Variants in WRN observed in about 807,000 individuals in gnomAD.
The protein encoded by WRN is bifunctional 3'-5' exonuclease/ATP-dependent helicase WRN.
WRN carries 149 observed loss-of-function variants against 180.7 expected under a neutral mutation model. That is an observed-to-expected ratio of 0.82 (90% CI 0.72 to 0.94). The LOEUF (loss-of-function observed/expected upper bound fraction) is 0.94. Ranked by LOEUF, WRN falls within the 40% of genes least tolerant of loss-of-function variation. The pLI, the probability that WRN is intolerant of heterozygous loss-of-function variation, is 0.00. For missense variants in WRN, 1,661 were observed against 1,700.1 expected, an observed-to-expected ratio of 0.98 and a Z score of 0.40; for synonymous variants, 548 against 568.9, an observed-to-expected ratio of 0.96 and a Z score of 0.52.
At chr8:31,104,483 T>C (rs1283574193) in intron 18 of WRN, among the ~76,000 whole-genome samples, 1 of 152,236 alleles carries the variant, frequency 6.6e-6, no homozygotes, top group Non-Finnish European at 1.5e-5. Flanking sequence ...AGCTTGCCTT[T>C]TCATTCTTTT....
At chr8:31,133,993 C>A (rs1349661631) in intron 24 of WRN, among the ~76,000 whole-genome samples, 1 of 152,084 alleles carries the variant, frequency 6.6e-6, no homozygotes, top group Non-Finnish European at 1.5e-5. Flanking sequence ...CAAATCAGAC[C>A]ACTTACACTG....
chr8:31,173,145 A>T lies in WRN; in HGVS notation c.*43A>T, dbSNP rs1407335594. The T allele has an allele frequency of 1.3e-6, 2 of 1,539,992 alleles. No homozygotes were observed. Among genetic ancestry groups the T allele is most frequent in the African/African-American group, 2.7e-5 (2 of 73,130 alleles). On this transcript the variant is annotated 3_prime_UTR_variant, in exon 35 of 35. Coordinates refer to ENST00000298139, the MANE Select transcript of WRN (RefSeq NM_000553.6). The stretch of plus-strand genomic sequence containing the variant: ...CAATTATGTTTCTTGCTGTATTATA[A>T]GAGGATAGCTATATTTTATTTCTGA...
intron 24 of WRN, 120 bp from the exon 25 acceptor site, chr8:31,141,310 G>A (rs1482380132): frequency 5.6e-6 from 7 of 1,261,040 alleles, no homozygotes; most frequent in Middle Eastern, 2.0e-4. Context: ...TAACATTTTT[G>A]TAGGTTTTTA....
chr8:31,101,012 A>G (rs1407393669), intron 18 of WRN, 57 bp downstream of exon 18: 1 of 1,413,572 alleles, frequency 7.1e-7, no homozygotes, highest in African/African-American at 1.4e-5. Context: ...GAGAGCATTC[A>G]GGATTGGGGA....
intron 1 of WRN, among the ~76,000 whole-genome samples, chr8:31,054,048 G>A (rs1264225290): frequency 6.6e-6 from 1 of 152,166 alleles, no homozygotes; most frequent in Admixed American, 6.5e-5. Flanking sequence ...TGAAAAAGGA[G>A]TTTTCAGTCT....
chr8:31,164,661 T>G (rs925428636), intron 33 of WRN, among the ~76,000 whole-genome samples: 1 of 152,198 alleles, frequency 6.6e-6, no homozygotes, highest in South Asian at 2.1e-4. Context: ...AATAATAAAT[T>G]AAGGCATTGA....
chr8:31,080,224 A>G (rs538951097), intron 8 of WRN, among the ~76,000 whole-genome samples: 1 of 152,246 alleles, frequency 6.6e-6, no homozygotes, highest in South Asian at 2.1e-4. Context: ...GTTTGTTCCC[A>G]ATATTTTTAT....
chr8:31,142,741 T>C, intron 27 of WRN, 40 bp downstream of exon 27: 1 of 1,486,514 alleles, frequency 6.7e-7, no homozygotes, highest in Non-Finnish European at 9.3e-7. Context: ...TTTCATTCTT[T>C]ATTGATTCAA....
At position 31,068,295 on chromosome 8, in the gene WRN, A is replaced by G; in HGVS notation, c.692A>G (p.Asp231Gly). 1 of 1,609,112 alleles carries G rather than the reference A, an allele frequency of 6.2e-7. No individual in the cohort carries two copies. The highest frequency in any genetic ancestry group is 8.5e-7 in the Non-Finnish European group (1 of 1,176,490). Residue 231 changes from aspartate (D) to glycine (G), a missense_variant, in exon 7 of 35, where the codon GAT (aspartate) becomes GGT (glycine). By Grantham distance (94) the Asp-to-Gly change is moderately conservative (BLOSUM62 -1). Transcript: ENST00000298139. ...FIIYRNLEIL[D>G]DTVQRFAINK... ...ATTTACCGAAATTTAGAGATTTTGG[A>G]TGATACTGTGCAAAGGTTTGCTATA...
At chr8:31,099,825 T>G (rs781042728) in intron 17 of WRN, among the ~76,000 whole-genome samples, 20 of 152,162 alleles carry the variant, frequency 1.3e-4, no homozygotes, top group Non-Finnish European at 2.6e-4. Flanking sequence ...TTTATGTGAA[T>G]GATATAATTT....
intron 3 of WRN, 45 bp from the exon 4 acceptor site, chr8:31,064,244 T>TA (rs773841160): frequency 1.2e-6 from 2 of 1,610,474 alleles, no homozygotes; most frequent in Admixed American, 3.3e-5. Flanking sequence ...TGCAGAAGTT[T>TA]AAAATTTTAA....
intron 34 of WRN, among the ~76,000 whole-genome samples, chr8:31,168,135 G>A (rs1263118565): frequency 2.6e-5 from 4 of 151,982 alleles, no homozygotes; most frequent in East Asian, 3.9e-4. Flanking sequence ...CTTGAGTTAC[G>A]TCTGTATATA....
intron 33 of WRN, among the ~76,000 whole-genome samples, chr8:31,161,712 G>T (rs1434082727): frequency 6.6e-6 from 1 of 151,764 alleles, no homozygotes; most frequent in Admixed American, 6.6e-5. Flanking sequence ...GGTGTTGGGT[G>T]CCTGTAATCC....
At chr8:31,051,398 G>T (rs1295211230) in intron 1 of WRN, among the ~76,000 whole-genome samples, 2 of 152,090 alleles carry the variant, frequency 1.3e-5, no homozygotes, top group African/African-American at 4.8e-5. Flanking sequence ...TGATTAAAAA[G>T]CTACCCTTTC....
chr8:31,141,573 T>G lies in WRN; in HGVS notation c.3111T>G (p.Phe1037Leu). ...TAGAAGTTTCTCGGTATAACAAATT[T>G]ATGAAGATTTGCGCCCTTACGAAAA... ...FLVEVSRYNK[F>L]MKICALTKKG... is the part of the protein sequence containing the mutation. Residue 1037 changes from phenylalanine to leucine, a missense_variant, in exon 25 of 35, where the codon TTT becomes TTG. Phe to Leu is a conservative substitution (Grantham distance 22, BLOSUM62 0). This residue lies in a region of WRN where 1,141 missense variants were observed against 1,149.4 expected (regional missense o/e 0.99). Transcript: ENST00000298139. The G allele has an allele frequency of 6.2e-7, 1 of 1,614,176 alleles. No homozygotes were observed. Among genetic ancestry groups the G allele is most frequent in the Non-Finnish European group, 8.5e-7 (1 of 1,180,036 alleles).
intron 34 of WRN, 106 bp from the exon 35 acceptor site, chr8:31,172,889 G>A: frequency 2.2e-6 from 2 of 898,130 alleles, no homozygotes; most frequent in South Asian, 1.4e-5. Context: ...TTGGATGGGG[G>A]AGAAAGGATG....
At chr8:31,140,315 C>T (rs149736054) in intron 24 of WRN, among the ~76,000 whole-genome samples, 14 of 152,132 alleles carry the variant, frequency 9.2e-5, no homozygotes, top group African/African-American at 3.4e-4. Flanking sequence ...ACCACTGTGC[C>T]TGGCCCATAT....
At chr8:31,064,550 T>G in intron 4 of WRN, 116 bp downstream of exon 4, 1 of 1,421,862 alleles carries the variant, frequency 7.0e-7, no homozygotes, top group Non-Finnish European at 9.8e-7. Flanking sequence ...TCAAATTTAT[T>G]TAAGTATTTA....
chr8:31,127,434 A>C lies in WRN; in HGVS notation c.2825+2434A>C, dbSNP rs944027314. On this transcript the variant is annotated intron_variant, in intron 23 of 34. Coordinates refer to ENST00000298139, the MANE Select transcript of WRN (RefSeq NM_000553.6). Reference sequence around the variant, plus strand: ...ATGTTAATTGAAAAAATAAAATAAAAACAAATTATTTACCTGGTGGGTTAG... The same window carrying C: ...ATGTTAATTGAAAAAATAAAATAAACACAAATTATTTACCTGGTGGGTTAG... 6.0e-4 allele frequency among the ~76,000 whole-genome samples: 92 copies of C among 152,258 alleles called. 1 individual carries two copies. The highest frequency in any genetic ancestry group is 2.2e-3 in the African/African-American group (91 of 41,544).
Sources: allele counts gnomAD v4.1 joint callset (sites outside exome capture counted in the v4.1 genomes callset), GRCh38; gene constraint gnomAD v4.1.1; regional missense constraint gnomAD v4.1.1; transcripts MANE v1.5; gene names NCBI Gene and HGNC (gene_info 2026-07-23, HGNC 2026-07-21).